BARX2: variants seen among roughly 807,000 people sequenced by gnomAD.
The protein encoded by BARX2 is BARX homeobox 2.
In BARX2, 11 loss-of-function variants were observed where a neutral mutation model predicts 25.5. That is an observed-to-expected ratio of 0.43 (90% CI 0.27 to 0.71). The LOEUF is 0.71. Ranked by LOEUF, BARX2 falls within the 30% of genes least tolerant of loss-of-function variation. The pLI is 0.19. For synonymous variants in BARX2, 137 were observed against 149.5 expected (o/e 0.92, Z 0.61); for missense variants, 360 against 359.9 (o/e 1.00, Z 0.00).
intron 1 of BARX2, among the ~76,000 whole-genome samples, chr11:129,403,522 G>A (rs1861798585): frequency 6.6e-6 from 1 of 152,098 alleles, no homozygotes; most frequent in Admixed American, 6.5e-5. Context: ...AGCTAGAGGT[G>A]GTGGTGCCCC....
chr11:129,386,205 T>G (rs1861615490), intron 1 of BARX2, among the ~76,000 whole-genome samples: 1 of 152,196 alleles, frequency 6.6e-6, no homozygotes, highest in Non-Finnish European at 1.5e-5. Context: ...AAGAGAGAGT[T>G]GTCAGGGTTT....
intron 1 of BARX2, among the ~76,000 whole-genome samples, chr11:129,383,870 G>GT (rs904572745): frequency 1.3e-5 from 2 of 150,814 alleles, no homozygotes; most frequent in African/African-American, 2.5e-5. Flanking sequence ...TCTGTTTTTT[G>GT]TTTTTTTGTT....
intron 1 of BARX2, among the ~76,000 whole-genome samples, chr11:129,409,952 T>G (rs7103020): frequency 0.042 from 6,332 of 152,268 alleles, 480 homozygotes; most frequent in African/African-American, 0.14. Flanking sequence ...TCTCTTCCCA[T>G]TTCTCTACTT....
At chr11:129,424,327 C>T (rs1180058029) in intron 1 of BARX2, among the ~76,000 whole-genome samples, 1 of 152,186 alleles carries the variant, frequency 6.6e-6, no homozygotes. Context: ...CTCATGTTTT[C>T]TCCCAAAACA....
intron 1 of BARX2, among the ~76,000 whole-genome samples, chr11:129,401,049 T>G (rs531292337): frequency 6.6e-6 from 1 of 152,340 alleles, no homozygotes; most frequent in African/African-American, 2.4e-5. Context: ...ATCTGGGAAC[T>G]TGTTAGGAGT....
chr11:129,386,919 T>A (rs1304298765), intron 1 of BARX2, among the ~76,000 whole-genome samples: 8 of 152,080 alleles, frequency 5.3e-5, no homozygotes, highest in Non-Finnish European at 1.2e-4. Context: ...AAATTAAAGC[T>A]CTGGAGGGGG....
intron 1 of BARX2, among the ~76,000 whole-genome samples, chr11:129,397,845 A>G (rs1296616988): frequency 6.6e-6 from 1 of 152,240 alleles, no homozygotes; most frequent in East Asian, 1.9e-4. Flanking sequence ...GACCTACAAG[A>G]TGAAAAGGAA....
chr11:129,398,986 C>T (rs767085553), intron 1 of BARX2, among the ~76,000 whole-genome samples: 9 of 152,108 alleles, frequency 5.9e-5, no homozygotes, highest in Non-Finnish European at 1.2e-4. Context: ...TACTCTTTAC[C>T]TCCATGAGCA....
At chr11:129,379,857 G>A (rs1448981122) in intron 1 of BARX2, among the ~76,000 whole-genome samples, 1 of 152,016 alleles carries the variant, frequency 6.6e-6, no homozygotes, top group East Asian at 1.9e-4. Flanking sequence ...GTGGGGAGGT[G>A]AGTGTAGATA....
At chr11:129,412,264 T>G (rs543064137) in intron 1 of BARX2, among the ~76,000 whole-genome samples, 1 of 147,254 alleles carries the variant, frequency 6.8e-6, no homozygotes, top group Admixed American at 6.7e-5. Context: ...AGGGCGAGAA[T>G]CCATCTCAAA....
At chr11:129,420,259 ATT>A (rs1861990049) in intron 1 of BARX2, among the ~76,000 whole-genome samples, 3 of 152,146 alleles carry the variant, frequency 2.0e-5, no homozygotes, top group Non-Finnish European at 4.4e-5. Flanking sequence ...ACATCACATC[ATT>A]AGCTGTGAAT....
intron 1 of BARX2, among the ~76,000 whole-genome samples, chr11:129,392,518 TAATAAC>T: frequency 6.6e-6 from 1 of 152,272 alleles, no homozygotes; most frequent in East Asian, 1.9e-4. Context: ...AAAACAATAA[TAATAAC>T]AATACACACA....
chr11:129,400,599 C>T (rs993543270), intron 1 of BARX2, among the ~76,000 whole-genome samples: 5 of 152,132 alleles, frequency 3.3e-5, no homozygotes, highest in African/African-American at 1.2e-4. Flanking sequence ...AAGGCTTGTG[C>T]CGTGGAGATT....
intron 1 of BARX2, among the ~76,000 whole-genome samples, chr11:129,431,633 T>G (rs1404588481): frequency 2.0e-5 from 3 of 152,234 alleles, no homozygotes; most frequent in Non-Finnish European, 2.9e-5. Flanking sequence ...ATAGGGTTAT[T>G]TTTTAATTGT....
intron 1 of BARX2, among the ~76,000 whole-genome samples, chr11:129,382,981 C>T (rs1861583651): frequency 6.6e-6 from 1 of 152,152 alleles, no homozygotes; most frequent in Non-Finnish European, 1.5e-5. Flanking sequence ...TTTTAGCTGC[C>T]TGAGAGGATG....
upstream of BARX2, among the ~76,000 whole-genome samples, chr11:129,375,429 A>C (rs1861489389): frequency 6.6e-6 from 1 of 152,140 alleles, no homozygotes; most frequent in Non-Finnish European, 1.5e-5. This position sits in a 1 kb window ranked among gnomAD's most constrained non-coding sequence, Gnocchi z 4.0. Context: ...GGCTGCGGAC[A>C]CTGGGAGCCG....
chr11:129,400,883 A>C (rs1861768622), intron 1 of BARX2, among the ~76,000 whole-genome samples: 1 of 152,238 alleles, frequency 6.6e-6, no homozygotes, highest in African/African-American at 2.4e-5. Context: ...AGAGAGATAA[A>C]GAAAGATTAG....
In BARX2 at chr11:129,427,137, G is replaced by A. The variant is rs532357588; in HGVS notation, c.188-9614G>A. ...ACTGAGCATTATGAAACTAAGTGAAGGGAGAGAAAGAAAGGGAACCAAGTG... is the reference window on the plus strand; with the variant it reads ...ACTGAGCATTATGAAACTAAGTGAAAGGAGAGAAAGAAAGGGAACCAAGTG... On this transcript the variant is annotated intron_variant, in intron 1 of 3. Coordinates refer to ENST00000281437, the MANE Select transcript of BARX2 (RefSeq NM_003658.5). Among the ~76,000 whole-genome samples the A allele has an allele frequency of 3.3e-5, 5 of 152,324 alleles. No individual in the cohort carries two copies. In the South Asian group the frequency reaches 8.3e-4, roughly 25 times the overall value.
chr11:129,437,147 T>A, intron 2 of BARX2, 96 bp downstream of exon 2: 2 of 1,324,010 alleles, frequency 1.5e-6, no homozygotes, highest in Middle Eastern at 4.3e-4. Context: ...ACTGGTACAG[T>A]GAGGCAGGAC....
Sources: allele counts gnomAD v4.1 joint callset (sites outside exome capture counted in the v4.1 genomes callset), GRCh38; gene constraint gnomAD v4.1.1; non-coding constraint Gnocchi (gnomAD v3.1); transcripts MANE v1.5; gene names NCBI Gene and HGNC (gene_info 2026-07-23, HGNC 2026-07-21).